Variants in NRAP observed in about 807,000 individuals in gnomAD.
NRAP encodes the protein nebulin-related-anchoring protein.
Under a neutral mutation model 225.9 loss-of-function variants are expected in NRAP, and 189 were observed. The ratio of observed to expected loss-of-function variants is 0.84; its 90% CI spans 0.74 to 0.94. The LOEUF is 0.94. Among genes scored for constraint, NRAP ranks in the 40% least tolerant of loss-of-function variants. The pLI is 0.00. For synonymous variants in NRAP, 769 were observed against 790.7 expected (o/e 0.97, Z 0.46); for missense variants, 2,176 against 2,168.7 (o/e 1.00, Z -0.07).
At chr10:113,622,351 G>A (rs971675560) in intron 23 of NRAP, among the ~76,000 whole-genome samples, 171 bp from the exon 24 acceptor site, 3 of 152,062 alleles carry the variant, frequency 2.0e-5, no homozygotes, top group Non-Finnish European at 4.4e-5. Flanking sequence ...TTTCATCAGT[G>A]AAAGAAAATA....
At chr10:113,642,488 G>T (rs3121471) in intron 12 of NRAP, among the ~76,000 whole-genome samples, 1 of 151,826 alleles carries the variant, frequency 6.6e-6, no homozygotes, top group African/African-American at 2.4e-5. Context: ...CCAAATTTGC[G>T]AATGCCCCTC....
At chr10:113,640,079 A>G (rs972197631) in intron 14 of NRAP, 148 bp downstream of exon 14, 2 of 511,748 alleles carry the variant, frequency 3.9e-6, no homozygotes, top group African/African-American at 4.0e-5. Flanking sequence ...CCTAGTGGAA[A>G]ATAGAAAAGG....
At chr10:113,606,504 T>C (rs909314226) in intron 32 of NRAP, among the ~76,000 whole-genome samples, 15 of 152,212 alleles carry the variant, frequency 9.9e-5, no homozygotes, top group Admixed American at 7.9e-4. Context: ...GGAATGGCAA[T>C]GTGCTTTGCT....
At chr10:113,622,960 T>C (rs981840806) in intron 23 of NRAP, among the ~76,000 whole-genome samples, 10 of 152,256 alleles carry the variant, frequency 6.6e-5, no homozygotes, top group African/African-American at 2.4e-4. Flanking sequence ...GAGTTTGACA[T>C]ACATCCTTGC....
chr10:113,610,560 A>C lies in NRAP; in HGVS notation c.3502T>G (p.Leu1168Val). The C allele has an allele frequency of 6.4e-7, 1 of 1,572,448 alleles. No homozygotes were observed. The highest frequency in any genetic ancestry group is 1.3e-5 in the African/African-American group (1 of 74,404). ...ATAAAGTTCAGGTCTGACCGGTACAAATTCTAGAAGAAATAATAAATACAA... is the reference window on the plus strand; with the variant it reads ...ATAAAGTTCAGGTCTGACCGGTACACATTCTAGAAGAAATAATAAATACAA... ...KKAHKLQSEN[L>V]YRSDLNFMRG... The change falls in exon 31 of 42, where the codon TTG becomes GTG. Residue 1168 changes from leucine (L) to valine (V), a missense_variant. Around this residue, in one of 3 missense-constraint regions of NRAP, gnomAD observed 1,708 missense variants for 1,695.5 expected, o/e 1.01. Coordinates refer to ENST00000359988, the MANE Select transcript of NRAP (RefSeq NM_198060.4).
chr10:113,621,446 G>T (rs1299034144), intron 24 of NRAP, among the ~76,000 whole-genome samples: 1 of 152,084 alleles, frequency 6.6e-6, no homozygotes, highest in Non-Finnish European at 1.5e-5. Context: ...GGGAGGGGAG[G>T]ATAAGGAGGA....
intron 11 of NRAP, 53 bp downstream of exon 11, chr10:113,645,772 A>T: frequency 2.2e-6 from 2 of 929,698 alleles, no homozygotes; most frequent in Non-Finnish European, 3.5e-6. Flanking sequence ...TTCACTGACT[A>T]TAGGAGATAA....
chr10:113,608,366 T>C, intron 32 of NRAP, 48 bp downstream of exon 32: 1 of 1,132,928 alleles, frequency 8.8e-7, no homozygotes. Flanking sequence ...TTTTTAACAA[T>C]CGAGCAGTTT....
chr10:113,608,881 A>C (rs1332938636), intron 31 of NRAP, among the ~76,000 whole-genome samples: 1 of 152,216 alleles, frequency 6.6e-6, no homozygotes, highest in Admixed American at 6.5e-5. Flanking sequence ...CAGACATGCC[A>C]GGCATAGTGG....
rs141487184 is a variant in NRAP, at chr10:113,614,244, C to T, written c.3239G>A (p.Arg1080Gln). The stretch of plus-strand genomic sequence containing the variant: ...AAGGCTGATATCATCTTCCAAGCTC[C>T]GGGAACCAAGCATCTGTCCTTTCAT... ...EKMKGQMLGS[R>Q]SLEDDISLAH... The change falls in exon 29 of 42, where the codon CGG (arginine) becomes CAG (glutamine). Residue 1080 changes from arginine (R) to glutamine (Q), a missense_variant. By Grantham distance (43) the Arg-to-Gln change is conservative. Coordinates refer to ENST00000359988, the MANE Select transcript of NRAP (RefSeq NM_198060.4). 4.3e-4 allele frequency: 691 copies of T among 1,614,086 alleles called. 2 individuals carry two copies. The highest frequency in any genetic ancestry group is 2.6e-3 in the South Asian group (234 of 91,076).
At chr10:113,622,958 C>A (rs1411912410) in intron 23 of NRAP, among the ~76,000 whole-genome samples, 1 of 152,234 alleles carries the variant, frequency 6.6e-6, no homozygotes, top group Non-Finnish European at 1.5e-5. Context: ...CAGAGTTTGA[C>A]ATACATCCTT....
chr10:113,638,933 T>G (rs1849032683), intron 14 of NRAP, among the ~76,000 whole-genome samples: 1 of 152,122 alleles, frequency 6.6e-6, no homozygotes, highest in Non-Finnish European at 1.5e-5. Flanking sequence ...GAGTCTTATC[T>G]AGATAAATGT....
In NRAP at chr10:113,643,055, C is replaced by G. The variant is rs1387784239; in HGVS notation, c.1111-17G>C. On this transcript the variant is annotated splice_polypyrimidine_tract_variant and intron_variant, in intron 11 of 41. Transcript: ENST00000359988. ...ATACTCCACCTTGGAAATCAAAACA[C>G]CAGACACACAATAGAACCAAATCCG... 6 of 1,257,148 alleles carry G rather than the reference C, an allele frequency of 4.8e-6. No homozygotes were observed. Among genetic ancestry groups the G allele is most frequent in the Non-Finnish European group, 5.8e-6 (5 of 854,716 alleles). 77.9% of individuals were successfully genotyped at this position (1,257,148 alleles called of 1,614,324 possible).
chr10:113,629,538 T>G, intron 19 of NRAP, 50 bp downstream of exon 19: 1 of 1,285,126 alleles, frequency 7.8e-7, no homozygotes, highest in Non-Finnish European at 1.1e-6. Context: ...TCTGAAAGCA[T>G]GTCCAACTGC....
intron 14 of NRAP, among the ~76,000 whole-genome samples, chr10:113,639,103 A>T (rs530006944): frequency 0.011 from 1,693 of 151,434 alleles, 33 homozygotes; most frequent in African/African-American, 0.038. Flanking sequence ...AAAAAAAAAA[A>T]AAAAAAAAAA....
intron 35 of NRAP, among the ~76,000 whole-genome samples, chr10:113,601,775 T>TA (rs530316533): frequency 2.8e-4 from 42 of 152,270 alleles, no homozygotes; most frequent in Non-Finnish European, 4.1e-4. Context: ...CCTCAGTTAG[T>TA]AAAAAAAATT....
intron 17 of NRAP, 23 bp from the exon 18 acceptor site, chr10:113,631,633 A>G (rs760892645): frequency 2.0e-6 from 3 of 1,471,826 alleles, no homozygotes; most frequent in Middle Eastern, 1.7e-4. Context: ...AAGAAGGTCT[A>G]CTGTGAGTGA....
At chr10:113,662,529 C>G (rs1266814409) in intron 3 of NRAP, 150 bp downstream of exon 3, 2 of 625,118 alleles carry the variant, frequency 3.2e-6, no homozygotes, top group Non-Finnish European at 5.7e-6. Flanking sequence ...CTCAAACCAT[C>G]TGCCCGCTTT....
At chr10:113,661,196 G>C (rs1850652642) in intron 3 of NRAP, among the ~76,000 whole-genome samples, 1 of 152,126 alleles carries the variant, frequency 6.6e-6, no homozygotes, top group African/African-American at 2.4e-5. Context: ...GCAACAATTT[G>C]AGCCTCTGTT....
Sources: gnomAD v4.1 joint callset for allele counts (sites outside exome capture counted in the v4.1 genomes callset) on GRCh38, gnomAD v4.1.1 for gene constraint, gnomAD v4.1.1 regional missense constraint, MANE v1.5 for transcripts, NCBI Gene and HGNC (gene_info 2026-07-23, HGNC 2026-07-21) for gene names.